Variants in SLC44A2 observed in about 807,000 individuals in gnomAD.
The protein encoded by SLC44A2 is choline transporter-like protein 2.
Under a neutral mutation model 90.8 loss-of-function variants are expected in SLC44A2, and 57 were observed. The observed-to-expected ratio is 0.63, with a 90% CI of 0.51 to 0.78. The LOEUF is 0.78. Among genes scored for constraint, SLC44A2 ranks in the 30% least tolerant of loss-of-function variants. The pLI, the probability that SLC44A2 is intolerant of heterozygous loss-of-function variation, is 0.00. For missense variants in SLC44A2, 794 were observed against 919.7 expected (o/e 0.86, Z 1.77); for synonymous variants, 355 against 360.7 (o/e 0.98, Z 0.18).
At chr19:10,621,413 T>G (rs540376249), upstream of SLC44A2, among the ~76,000 whole-genome samples, 1 of 135,152 alleles carries the variant, frequency 7.4e-6, no homozygotes, top group Admixed American at 7.9e-5. Context: ...AGGAAAGGGA[T>G]GGTTGGGTGT....
At position 10,628,031 on chromosome 19, in the gene SLC44A2, G is replaced by T. The variant is rs113283212; in HGVS notation, c.245+27G>T. 36 of 1,593,546 alleles carry T rather than the reference G, an allele frequency of 2.3e-5. No individual in the cohort carries two copies. In the African/African-American group the frequency reaches 2.6e-4, roughly 11 times the overall value. On this transcript the variant is annotated intron_variant, in intron 4 of 21. Coordinates refer to ENST00000335757, the MANE Select transcript of SLC44A2 (RefSeq NM_020428.4). ...TGAGTTGACTCCTTGCGGCCTGGTG[G>T]GGCTGGGGAAGAGGGGGCAGAAGAT... is the stretch of plus-strand genomic sequence containing the variant.
intron 1 of SLC44A2, among the ~76,000 whole-genome samples, chr19:10,603,704 C>T (rs1355280679): frequency 2.0e-5 from 3 of 152,200 alleles, no homozygotes; most frequent in African/African-American, 7.2e-5. Context: ...GCCCAGTCCC[C>T]TGGAGGGACC....
Position 10,634,661 on chromosome 19 carries a change from C to G in SLC44A2, c.824-95C>G. The G allele has an allele frequency of 2.5e-6, 4 of 1,570,234 alleles. No individual in the cohort carries two copies. In the South Asian group the frequency reaches 4.5e-5, roughly 18 times the overall value. On this transcript the variant is annotated intron_variant, in intron 10 of 21. Coordinates refer to ENST00000335757, the MANE Select transcript of SLC44A2 (RefSeq NM_020428.4). ...AGTGTAAAGTCCCTGAGGCAGAAGC[C>G]TCGATGTTTGCTTCTGTTAAATGGG... is the stretch of plus-strand genomic sequence containing the variant.
chr19:10,627,629 T>C, intron 2 of SLC44A2, 93 bp from the exon 3 acceptor site: 1 of 1,344,010 alleles, frequency 7.4e-7, no homozygotes, highest in African/African-American at 1.4e-5. Context: ...TTTGTCCAAA[T>C]AACACATGGA....
At chr19:10,641,943 T>C (rs1401873630) in intron 20 of SLC44A2, among the ~76,000 whole-genome samples, 1 of 151,826 alleles carries the variant, frequency 6.6e-6, no homozygotes, top group Non-Finnish European at 1.5e-5. Flanking sequence ...GTGGATCACC[T>C]GAAGTCAGGC....
intron 10 of SLC44A2, among the ~76,000 whole-genome samples, chr19:10,634,290 C>A (rs1049703760): frequency 6.6e-6 from 1 of 151,016 alleles, no homozygotes; most frequent in Non-Finnish European, 1.5e-5. Context: ...GCCCGGCCAA[C>A]CCCATCTCTA....
chr19:10,639,212 G>A (rs951915374), intron 20 of SLC44A2, among the ~76,000 whole-genome samples: 2 of 152,242 alleles, frequency 1.3e-5, no homozygotes, highest in African/African-American at 2.4e-5. Context: ...GGGATTGCAG[G>A]TGTGACCCAC....
intron 1 of SLC44A2, among the ~76,000 whole-genome samples, chr19:10,620,274 A>C (rs1430596465): frequency 6.6e-6 from 1 of 152,118 alleles, no homozygotes; most frequent in Non-Finnish European, 1.5e-5. Flanking sequence ...TGAGGTCAGC[A>C]GTTCGAGACC....
Position 10,634,792 on chromosome 19 carries a change from G to C in SLC44A2, c.860G>C (p.Arg287Pro). 1 of 1,614,160 alleles carries C rather than the reference G, an allele frequency of 6.2e-7. No homozygotes were observed. The highest frequency in any genetic ancestry group is 1.1e-5 in the South Asian group (1 of 91,088). ...TGCTACATGGAGTACTCCCGACTGC[G>C]TGGTGAGGCCGGCTCTGATGTCTCT... The part of the protein sequence containing the change: ...FHCYMEYSRL[R>P]GEAGSDVSLV... The change falls in exon 11 of 22, where the codon CGT (arginine) becomes CCT (proline). Residue 287 changes from arginine to proline, a missense_variant. By Grantham distance (103) the Arg-to-Pro change is moderately radical. Around this residue, in one of 3 missense-constraint regions of SLC44A2, gnomAD observed 738 missense variants for 841.1 expected, o/e 0.88. Transcript: ENST00000335757.
In SLC44A2 at chr19:10,643,297, A is replaced by T. The variant is rs768714484; in HGVS notation, c.2033A>T (p.Asn678Ile). ...TCCACAGTGGAGGACCTGGAGAGGA[A>T]TGACGGCTCGGCCGAGAGGCCTTAC... ...FLCFLEDLER[N>I]DGSAERPYFM... Residue 678 changes from asparagine to isoleucine, a missense_variant, in exon 22 of 22, where the codon AAT becomes ATT. Coordinates refer to ENST00000335757, the MANE Select transcript of SLC44A2 (RefSeq NM_020428.4). 5.8e-5 allele frequency: 94 copies of T among 1,610,792 alleles called. No homozygotes were observed. The highest frequency in any genetic ancestry group is 7.9e-5 in the Non-Finnish European group (93 of 1,178,510).
In SLC44A2 at chr19:10,625,589, G is replaced by A; in HGVS notation, c.-45G>A. The A allele has an allele frequency of 8.1e-7, 1 of 1,239,662 alleles. No homozygotes were observed. 76.8% of individuals were successfully genotyped at this position (1,239,662 alleles called of 1,614,324 possible). On this transcript the variant is annotated 5_prime_UTR_variant, in exon 1 of 22. Coordinates refer to ENST00000335757, the MANE Select transcript of SLC44A2 (RefSeq NM_020428.4). ...CCAGACTCGGGAGGGTCGAGGGGGC[G>A]CGGGAGAGAGCGCGGGCGGCCGCCG...
intron 10 of SLC44A2, 132 bp from the exon 11 acceptor site, chr19:10,634,624 G>T: frequency 7.8e-7 from 1 of 1,282,172 alleles, no homozygotes; most frequent in Non-Finnish European, 1.1e-6. Context: ...GCACCGGGCG[G>T]TGGGAACTGC....
chr19:10,629,554 G>C (rs931058627), intron 4 of SLC44A2, among the ~76,000 whole-genome samples: 4 of 149,842 alleles, frequency 2.7e-5, no homozygotes, highest in African/African-American at 9.8e-5. Flanking sequence ...CTGGTATTAC[G>C]GGTGTGAGCC....
chr19:10,632,168 C>T lies in SLC44A2; in HGVS notation c.823+12C>T, dbSNP rs762500761. ...GGTGCTGGGCTACGGTGCGTCACCC[C>T]CTCCCTGTGGCTTCTCTTTCCTGAA... On this transcript the variant is annotated intron_variant, in intron 10 of 21. Coordinates refer to ENST00000335757, the MANE Select transcript of SLC44A2 (RefSeq NM_020428.4). 2 of 1,600,544 alleles carry T rather than the reference C, an allele frequency of 1.2e-6. No individual in the cohort carries two copies. Among genetic ancestry groups the T allele is most frequent in the East Asian group, 2.2e-5 (1 of 44,798 alleles).
At chr19:10,608,725 C>T (rs1376639986) in intron 1 of SLC44A2, among the ~76,000 whole-genome samples, 1 of 151,838 alleles carries the variant, frequency 6.6e-6, no homozygotes, top group Non-Finnish European at 1.5e-5. Context: ...TCTCGGCTCA[C>T]TGCAACCTCT....
intron 1 of SLC44A2, among the ~76,000 whole-genome samples, chr19:10,611,054 A>AGGCTGGTTGAATTCCCC (rs1918288948): frequency 6.6e-6 from 1 of 152,076 alleles, no homozygotes; most frequent in Admixed American, 6.6e-5. Context: ...GATGTTCCCC[A>AGGCTGGTTGAATTCCCC]GGCTGGTTGA....
At position 10,635,202 on chromosome 19, in the gene SLC44A2, G is replaced by T; in HGVS notation, c.1095G>T (p.Leu365=). 1 of 1,613,974 alleles carries T rather than the reference G, an allele frequency of 6.2e-7. No individual in the cohort carries two copies. The highest frequency in any genetic ancestry group is 8.5e-7 in the Non-Finnish European group (1 of 1,180,012). The change falls in exon 13 of 22, where the codon CTG becomes CTT. Residue 365 remains leucine (L), a synonymous_variant. Transcript: ENST00000335757. ...GYVMCSLLYP[L]VTFFLLCLCI... Reference sequence around the variant, plus strand: ...TCATGTGCTCCTTGCTCTACCCACTGGTCACCTTCTTCTTGCTGTGCCTCT... The same window carrying T: ...TCATGTGCTCCTTGCTCTACCCACTTGTCACCTTCTTCTTGCTGTGCCTCT...
At chr19:10,606,728 T>C (rs1489925232) in intron 1 of SLC44A2, among the ~76,000 whole-genome samples, 1 of 151,874 alleles carries the variant, frequency 6.6e-6, no homozygotes, top group African/African-American at 2.4e-5. Context: ...GGAGAATTGC[T>C]TGAACCCAGG....
Position 10,637,711 on chromosome 19 carries a change from G to C in SLC44A2, c.1659G>C (p.Lys553Asn), listed in dbSNP as rs371805689. The C allele has an allele frequency of 6.2e-7, 1 of 1,614,140 alleles. No homozygotes were observed. Among genetic ancestry groups the C allele is most frequent in the Non-Finnish European group, 8.5e-7 (1 of 1,180,026 alleles). ...AATGCTGCTTCTGGTGCCTGGAGAA[G>C]TTCATCAAATTCCTTAATAGGAATG... Reference protein sequence around the residue: ...CLKCCFWCLEKFIKFLNRNAY... With the variant: ...CLKCCFWCLENFIKFLNRNAY... The change falls in exon 17 of 22, where the codon AAG (lysine) becomes AAC (asparagine). Residue 553 changes from lysine to asparagine, a missense_variant. This residue lies in a region of SLC44A2 where 738 missense variants were observed against 841.1 expected (regional missense o/e 0.88). Coordinates refer to ENST00000335757, the MANE Select transcript of SLC44A2 (RefSeq NM_020428.4).
Sources: allele counts gnomAD v4.1 joint callset (sites outside exome capture counted in the v4.1 genomes callset), GRCh38; gene constraint gnomAD v4.1.1; regional missense constraint gnomAD v4.1.1; transcripts MANE v1.5; gene names NCBI Gene and HGNC (gene_info 2026-07-23, HGNC 2026-07-21).